SMURF2: variants seen among roughly 807,000 people sequenced by gnomAD.
SMURF2 encodes the protein SMAD specific E3 ubiquitin protein ligase 2, also known as E3 ubiquitin-protein ligase SMURF2.
In SMURF2, 48 loss-of-function variants were observed where a neutral mutation model predicts 109.6. The ratio of observed to expected loss-of-function variants is 0.44; its 90% CI spans 0.35 to 0.56. The LOEUF (loss-of-function observed/expected upper bound fraction) is 0.56. Ranked by LOEUF, SMURF2 falls within the 20% of genes least tolerant of loss-of-function variation. The pLI, the probability that SMURF2 is intolerant of heterozygous loss-of-function variation, is 0.01. For synonymous variants in SMURF2, 288 were observed against 317.1 expected (o/e 0.91, Z 0.97); for missense variants, 575 against 909.0 (o/e 0.63, Z 4.72).
At chr17:64,652,723 T>C (rs1379333942) in intron 1 of SMURF2, among the ~76,000 whole-genome samples, 2 of 152,202 alleles carry the variant, frequency 1.3e-5, no homozygotes, top group African/African-American at 2.4e-5. Flanking sequence ...TGACCTCATG[T>C]GAGCCTCCTG....
intron 9 of SMURF2, among the ~76,000 whole-genome samples, chr17:64,577,651 T>C (rs1555686182): frequency 6.7e-6 from 1 of 149,008 alleles, no homozygotes; most frequent in African/African-American, 2.5e-5. Flanking sequence ...GCTGGAGTGC[T>C]GTAGCACGAC....
chr17:64,576,026 G>A (rs1555686028), intron 9 of SMURF2, among the ~76,000 whole-genome samples: 2 of 151,784 alleles, frequency 1.3e-5, no homozygotes, highest in Non-Finnish European at 2.9e-5. Context: ...GCAACATGGC[G>A]TAACCCCATC....
intron 10 of SMURF2, among the ~76,000 whole-genome samples, chr17:64,568,428 CA>C (rs1969347083): frequency 6.6e-6 from 1 of 152,166 alleles, no homozygotes; most frequent in Non-Finnish European, 1.5e-5. Context: ...AAATAAAGCA[CA>C]ACCACCTCTT....
At chr17:64,651,486 T>G (rs1970639833) in intron 1 of SMURF2, among the ~76,000 whole-genome samples, 1 of 143,810 alleles carries the variant, frequency 7.0e-6, no homozygotes, top group African/African-American at 2.6e-5. Flanking sequence ...GCAGAAGAAC[T>G]GCTTGAACCC....
At chr17:64,632,950 T>C (rs1432825244) in intron 1 of SMURF2, among the ~76,000 whole-genome samples, 1 of 152,146 alleles carries the variant, frequency 6.6e-6, no homozygotes, top group Non-Finnish European at 1.5e-5. Context: ...ACTTTGCAAA[T>C]AGGGATACAC....
intron 1 of SMURF2, among the ~76,000 whole-genome samples, chr17:64,614,796 G>A (rs1970099375): frequency 1.3e-5 from 2 of 152,202 alleles, no homozygotes; most frequent in Admixed American, 6.5e-5. Flanking sequence ...AGTTTCTGCA[G>A]ATACAAAGAA....
chr17:64,558,714 C>G (rs1379984260), intron 12 of SMURF2, among the ~76,000 whole-genome samples: 1 of 152,076 alleles, frequency 6.6e-6, no homozygotes, highest in Non-Finnish European at 1.5e-5. Flanking sequence ...GTTTTTAAAA[C>G]CTGGAATAAA....
At chr17:64,626,425 C>A (rs933809829) in intron 1 of SMURF2, among the ~76,000 whole-genome samples, 4 of 152,106 alleles carry the variant, frequency 2.6e-5, no homozygotes, top group Admixed American at 2.6e-4. Context: ...CAGGCTATTT[C>A]ATTCAAGTTA....
intron 1 of SMURF2, among the ~76,000 whole-genome samples, chr17:64,652,719 C>T (rs1970656380): frequency 6.6e-6 from 1 of 152,202 alleles, no homozygotes; most frequent in African/African-American, 2.4e-5. Flanking sequence ...CTCCTGACCT[C>T]ATGTGAGCCT....
At chr17:64,584,361 C>CTTTTTTTT (rs372682588) in intron 6 of SMURF2, among the ~76,000 whole-genome samples, 1,817 of 112,650 alleles carry the variant, frequency 0.016, 156 homozygotes, top group African/African-American at 0.065. Flanking sequence ...CTTTTTTTTT[C>CTTTTTTTT]TTTTTTTTTT....
intron 10 of SMURF2, among the ~76,000 whole-genome samples, chr17:64,566,893 T>A (rs1157859216): frequency 1.5e-5 from 2 of 137,426 alleles, no homozygotes; most frequent in Non-Finnish European, 3.1e-5. Flanking sequence ...TTTTTTTTTT[T>A]AGATAGAGAC....
chr17:64,618,926 C>A (rs1247948297), intron 1 of SMURF2, among the ~76,000 whole-genome samples: 3 of 152,032 alleles, frequency 2.0e-5, no homozygotes, highest in Non-Finnish European at 4.4e-5. Context: ...GGGTTTGAAC[C>A]TGGTGCTATC....
intron 5 of SMURF2, among the ~76,000 whole-genome samples, chr17:64,588,593 G>A (rs1181262341): frequency 1.3e-5 from 2 of 151,646 alleles, no homozygotes. Flanking sequence ...AATACTAGAG[G>A]GGAATACAGT....
chr17:64,607,071 C>CTT (rs60276383), intron 1 of SMURF2, among the ~76,000 whole-genome samples: 3 of 134,816 alleles, frequency 2.2e-5, no homozygotes, highest in Non-Finnish European at 4.8e-5. Flanking sequence ...AGTTTTTTTT[C>CTT]TTTTTTTTTT....
intron 1 of SMURF2, among the ~76,000 whole-genome samples, chr17:64,657,355 G>A (rs796092267): frequency 3.3e-5 from 5 of 152,168 alleles, no homozygotes; most frequent in African/African-American, 1.2e-4. Flanking sequence ...TGGTCTATTT[G>A]AAAAGAGGAG....
chr17:64,630,190 C>T (rs1220005809), intron 1 of SMURF2, among the ~76,000 whole-genome samples: 12 of 151,564 alleles, frequency 7.9e-5, no homozygotes, highest in African/African-American at 2.9e-4. Context: ...GAGCTGAGAT[C>T]GCACCACTGT....
intron 1 of SMURF2, among the ~76,000 whole-genome samples, chr17:64,641,344 C>T (rs1555692541): frequency 6.6e-6 from 1 of 152,036 alleles, no homozygotes; most frequent in Non-Finnish European, 1.5e-5. Flanking sequence ...AATAAATAGT[C>T]CAACCCCCCA....
intron 5 of SMURF2, among the ~76,000 whole-genome samples, chr17:64,590,144 CT>C (rs200015210): frequency 2.2e-3 from 307 of 136,800 alleles, no homozygotes; most frequent in Middle Eastern, 3.7e-3. Context: ...TTTTTCTTTT[CT>C]TTTTTTTTTT....
intron 1 of SMURF2, among the ~76,000 whole-genome samples, chr17:64,620,937 C>T (rs2144695371): frequency 6.6e-6 from 1 of 152,288 alleles, no homozygotes; most frequent in African/African-American, 2.4e-5. Context: ...TCTTTATGTT[C>T]AAATCAGGAT....
Sources: gnomAD v4.1 joint callset for allele counts (sites outside exome capture counted in the v4.1 genomes callset) on GRCh38, gnomAD v4.1.1 for gene constraint, MANE v1.5 for transcripts, NCBI Gene and HGNC (gene_info 2026-07-23, HGNC 2026-07-21) for gene names.